SSX2IP: variants seen among roughly 807,000 people sequenced by gnomAD.
SSX2IP encodes the protein SSX family member 2 interacting protein, also known as afadin- and alpha-actinin-binding protein.
SSX2IP carries 55 observed loss-of-function variants against 84.9 expected under a neutral mutation model. The ratio of observed to expected loss-of-function variants is 0.65; its 90% CI spans 0.52 to 0.81. The LOEUF (loss-of-function observed/expected upper bound fraction) is 0.81, where lower values mean the gene tolerates loss of function less well. SSX2IP is among the 30% of genes least tolerant of loss of function. The pLI, the probability that SSX2IP is intolerant of heterozygous loss-of-function variation, is 0.00. For missense variants in SSX2IP, 664 were observed against 705.2 expected (o/e 0.94, Z 0.66); for synonymous variants, 239 against 234.7 (o/e 1.02, Z -0.17).
At chr1:84,688,430 A>G (rs1417291462) in intron 1 of SSX2IP, among the ~76,000 whole-genome samples, 2 of 152,246 alleles carry the variant, frequency 1.3e-5, no homozygotes, top group African/African-American at 4.8e-5. Flanking sequence ...AATCTTTGAA[A>G]TCGATCCAAT....
Position 84,660,709 on chromosome 1 carries a change from G to A in SSX2IP, c.927+1489C>T, listed in dbSNP as rs575550226. On this transcript the variant is annotated intron_variant, in intron 8 of 13. Coordinates refer to ENST00000342203, the MANE Select transcript of SSX2IP (RefSeq NM_001166293.2). Reference sequence around the variant, plus strand: ...GAACCCGAGAGGCAGAGATTGCAGTGAGGTGAGATGGTGCCACTGGACTCC... The same window carrying A: ...GAACCCGAGAGGCAGAGATTGCAGTAAGGTGAGATGGTGCCACTGGACTCC... 3.0e-3 allele frequency among the ~76,000 whole-genome samples: 449 copies of A among 151,954 alleles called. 3 individuals are homozygous for A. Among genetic ancestry groups the A allele is most frequent in the African/African-American group, 0.01 (431 of 41,428 alleles).
chr1:84,652,371 C>T lies in SSX2IP; in HGVS notation c.1390-374G>A, dbSNP rs976478040. The T allele has an allele frequency of 1.6e-4, 24 of 151,828 alleles. No individual in the cohort carries two copies. In the East Asian group the frequency reaches 2.1e-3, roughly 14 times the overall value. The allele number at this position is 151,828 out of a possible 1,614,324, so 9.4% of individuals were successfully genotyped here. A position where few individuals can be genotyped will look rare whatever the true frequency, so the allele number is the denominator to read the frequency against. The stretch of plus-strand genomic sequence containing the variant: ...CTGGGAAGTTGACGCTGAAGTGAGC[C>T]GAGATAGCACCACTGCACTCTAGCC... On this transcript the variant is annotated intron_variant, in intron 11 of 13. Transcript: ENST00000342203.
intron 8 of SSX2IP, among the ~76,000 whole-genome samples, chr1:84,661,367 G>C (rs1651949575): frequency 6.7e-6 from 1 of 150,342 alleles, no homozygotes; most frequent in South Asian, 2.1e-4. Flanking sequence ...TTTTTTTTCA[G>C]ATCTCTGCAT....
chr1:84,650,348 C>T lies in SSX2IP; in HGVS notation c.1670+14G>A. 1 of 1,614,064 alleles carries T rather than the reference C, an allele frequency of 6.2e-7. No individual in the cohort carries two copies. Among genetic ancestry groups the T allele is most frequent in the South Asian group, 1.1e-5 (1 of 91,080 alleles). On this transcript the variant is annotated intron_variant, in intron 13 of 13. Transcript: ENST00000342203. ...TTTTAGAAACACGTGAAAAGATCAC[C>T]TATAGACAAATACCTATGTTCAGAT...
At chr1:84,672,537 C>T (rs946673937) in intron 1 of SSX2IP, among the ~76,000 whole-genome samples, 1 of 151,984 alleles carries the variant, frequency 6.6e-6, no homozygotes, top group Non-Finnish European at 1.5e-5. Context: ...TATACTGGTA[C>T]ACACAAGATC....
At chr1:84,656,271 G>T in intron 10 of SSX2IP, 77 bp downstream of exon 10, 1 of 1,423,100 alleles carries the variant, frequency 7.0e-7, no homozygotes, top group East Asian at 2.3e-5. Context: ...ATGAAATAAA[G>T]GAATACAAAT....
At chr1:84,648,211 A>G (rs928854853) in intron 13 of SSX2IP, among the ~76,000 whole-genome samples, 1 of 152,162 alleles carries the variant, frequency 6.6e-6, no homozygotes, top group Non-Finnish European at 1.5e-5. Context: ...AAGAGAACCA[A>G]GTTTATCAAA....
In SSX2IP at chr1:84,671,184, C is replaced by T; in HGVS notation, c.36G>A (p.Leu12=). ...GDWMTVTDPG[L]SSESKTISQY... ...TTATTTAGACTTAATTACCTGAAGA[C>T]AGACCTGGATCTGTAACAGTCATCC... The change falls in exon 2 of 14, where the codon CTG becomes CTA. Residue 12 remains leucine, a synonymous_variant. Transcript: ENST00000342203. The T allele has an allele frequency of 6.2e-7, 1 of 1,610,662 alleles. No individual in the cohort carries two copies. Among genetic ancestry groups the T allele is most frequent in the Non-Finnish European group, 8.5e-7 (1 of 1,178,272 alleles).
rs1211064831 is a variant in SSX2IP, at chr1:84,646,980, A to AC, written c.*452_*453insG. The AC allele has an allele frequency of 6.5e-6, 1 of 152,752 alleles. No homozygotes were observed. The highest frequency in any genetic ancestry group is 1.9e-4 in the East Asian group (1 of 5,208). 9.5% of individuals were successfully genotyped at this position (152,752 alleles called of 1,614,324 possible). A position where few individuals can be genotyped will look rare whatever the true frequency, so the allele number is the denominator to read the frequency against. On this transcript the variant is annotated 3_prime_UTR_variant, in exon 14 of 14. Transcript: ENST00000342203. ...AATTTCACTTTATTTAAAACATATG[A>AC]AAGAGGTAATTTCAAACCACACTAA...
intron 11 of SSX2IP, 31 bp downstream of exon 11, chr1:84,655,801 T>C (rs1231316587): frequency 4.4e-6 from 7 of 1,601,990 alleles, no homozygotes; most frequent in Middle Eastern, 1.7e-4. Context: ...ACCCCCAGTA[T>C]TTTCAAAAGC....
chr1:84,670,449 A>C lies in SSX2IP; in HGVS notation c.213+197T>G, dbSNP rs537237031. On this transcript the variant is annotated intron_variant, in intron 3 of 13. Transcript: ENST00000342203. ...TGGAGGAGCCCCTGGGACAATGAGG[A>C]GGCCAAGGTGCTCCACACAAAAAAG... The C allele has an allele frequency of 5.8e-5, 20 of 346,760 alleles. No homozygotes were observed. In the South Asian group the frequency reaches 9.6e-4, roughly 17 times the overall value. 21.5% of individuals were successfully genotyped at this position (346,760 alleles called of 1,614,324 possible). A position where few individuals can be genotyped will look rare whatever the true frequency, so the allele number is the denominator to read the frequency against.
chr1:84,665,483 A>C (rs148614258), intron 5 of SSX2IP, among the ~76,000 whole-genome samples: 2 of 152,318 alleles, frequency 1.3e-5, no homozygotes, highest in East Asian at 3.9e-4. Context: ...TAGTTATTAC[A>C]TGGTCAGGGG....
intron 5 of SSX2IP, 142 bp from the exon 6 acceptor site, chr1:84,664,694 T>A (rs191565774): frequency 4.4e-4 from 273 of 624,622 alleles, no homozygotes; most frequent in East Asian, 3.7e-3. Context: ...ACCACTTTTT[T>A]AAATATTATA....
chr1:84,665,755 G>A (rs903655427), intron 5 of SSX2IP, among the ~76,000 whole-genome samples: 1 of 152,160 alleles, frequency 6.6e-6, no homozygotes, highest in African/African-American at 2.4e-5. Flanking sequence ...GTGCATGCAA[G>A]AAGGGGCACC....
Position 84,667,810 on chromosome 1 carries a change from A to G in SSX2IP, c.427-1578T>C, listed in dbSNP as rs117993640. Among the ~76,000 whole-genome samples the G allele has an allele frequency of 9.9e-5, 15 of 152,160 alleles. No homozygotes were observed. In the East Asian group the frequency reaches 2.7e-3, roughly 27 times the overall value. On this transcript the variant is annotated intron_variant, in intron 4 of 13. Transcript: ENST00000342203. ...TAGCAAATTTCTACTCATTCTTCCA[A>G]TCTCAGATCAGGTGTTACCTCTCCA...
intron 9 of SSX2IP, 55 bp from the exon 10 acceptor site, chr1:84,656,539 G>T: frequency 6.5e-7 from 1 of 1,541,718 alleles, no homozygotes; most frequent in Non-Finnish European, 8.7e-7. Flanking sequence ...TTAGTTTACA[G>T]TGTTTTGCAC....
intron 1 of SSX2IP, among the ~76,000 whole-genome samples, chr1:84,683,315 A>C (rs1175449222): frequency 6.6e-6 from 1 of 151,862 alleles, no homozygotes; most frequent in Non-Finnish European, 1.5e-5. Flanking sequence ...TCTCTTCTTT[A>C]CCACCTCACC....
In SSX2IP at chr1:84,690,394, G is replaced by A. The variant is rs1366862840; in HGVS notation, c.-113C>T. The A allele has an allele frequency of 6.6e-6, 1 of 150,994 alleles. No homozygotes were observed. Among genetic ancestry groups the A allele is most frequent in the Non-Finnish European group, 1.5e-5 (1 of 67,588 alleles). 9.4% of individuals were successfully genotyped at this position (150,994 alleles called of 1,614,324 possible). On this transcript the variant is annotated 5_prime_UTR_variant, in exon 1 of 14. Coordinates refer to ENST00000342203, the MANE Select transcript of SSX2IP (RefSeq NM_001166293.2). ...ACCGTCACGGCCCCCGGGAGCGGCG[G>A]GGAGTCACCGCTCGGCGTCCTAGCC...
intron 11 of SSX2IP, among the ~76,000 whole-genome samples, chr1:84,654,656 T>A (rs1650809956): frequency 6.6e-6 from 1 of 152,072 alleles, no homozygotes. Context: ...CACTAGATAG[T>A]GATATATCTC....
Sources: gnomAD v4.1 joint callset for allele counts (sites outside exome capture counted in the v4.1 genomes callset) on GRCh38, gnomAD v4.1.1 for gene constraint, MANE v1.5 for transcripts, NCBI Gene and HGNC (gene_info 2026-07-23, HGNC 2026-07-21) for gene names.